The following UBE2D2 variants were observed in gnomAD, a reference collection of about 807,000 sequenced individuals.
UBE2D2 encodes the protein ubiquitin-conjugating enzyme E2 D2.
UBE2D2 carries 2 observed loss-of-function variants against 24.2 expected under a neutral mutation model. The ratio of observed to expected loss-of-function variants is 0.08; its 90% CI spans 0.03 to 0.26. The LOEUF is 0.26. Ranked by LOEUF, UBE2D2 falls within the 10% of genes least tolerant of loss-of-function variation. UBE2D2 has a pLI of 1.00. For missense variants in UBE2D2, 44 were observed against 177.6 expected, an observed-to-expected ratio of 0.25 and a Z score of 4.28; for synonymous variants, 58 against 56.5, an observed-to-expected ratio of 1.03 and a Z score of -0.12.
intron 1 of UBE2D2, among the ~76,000 whole-genome samples, chr5:139,550,754 T>C (rs568835900): frequency 6.7e-6 from 1 of 149,750 alleles, no homozygotes; most frequent in African/African-American, 2.5e-5. Flanking sequence ...AGAGGTGTAA[T>C]ACTCACTGTG....
chr5:139,546,915 CAG>C (rs928903477), intron 1 of UBE2D2, among the ~76,000 whole-genome samples: 1 of 144,130 alleles, frequency 6.9e-6, no homozygotes, highest in African/African-American at 2.6e-5. Context: ...TTTTTTTTGA[CAG>C]AGTTTTGCTC....
intron 2 of UBE2D2, among the ~76,000 whole-genome samples, chr5:139,603,702 C>T (rs978769604): frequency 6.6e-6 from 1 of 150,620 alleles, no homozygotes; most frequent in Non-Finnish European, 1.5e-5. Flanking sequence ...TTTGGGAGGC[C>T]GAGGCAGGTG....
At chr5:139,550,571 T>A (rs923488824) in intron 1 of UBE2D2, among the ~76,000 whole-genome samples, 2 of 152,032 alleles carry the variant, frequency 1.3e-5, no homozygotes, top group Non-Finnish European at 2.9e-5. Context: ...ACGCTCACGC[T>A]ATGGGAGTTT....
intron 2 of UBE2D2, 72 bp downstream of exon 2, chr5:139,600,507 A>G: frequency 6.6e-7 from 1 of 1,511,240 alleles, no homozygotes; most frequent in East Asian, 2.3e-5. Flanking sequence ...CAATTATGGT[A>G]TAGGGAAGAG....
intron 1 of UBE2D2, among the ~76,000 whole-genome samples, chr5:139,591,861 A>T (rs1045071575): frequency 2.0e-5 from 3 of 152,194 alleles, no homozygotes; most frequent in Non-Finnish European, 4.4e-5. Flanking sequence ...GGCAGGGAGA[A>T]TGCAGGTACT....
intron 6 of UBE2D2, 132 bp from the exon 7 acceptor site, chr5:139,626,624 G>C: frequency 1.4e-6 from 1 of 702,260 alleles, no homozygotes; most frequent in Non-Finnish European, 2.5e-6. Context: ...CAGAAATTTG[G>C]GATAGAAAGG....
At chr5:139,554,252 T>G (rs184453380) in intron 1 of UBE2D2, among the ~76,000 whole-genome samples, 9 of 152,218 alleles carry the variant, frequency 5.9e-5, no homozygotes, top group Non-Finnish European at 5.9e-5. Flanking sequence ...TAGGCTGGCT[T>G]CAAACTCCTG....
At chr5:139,562,566 C>T (rs956299285) in intron 1 of UBE2D2, among the ~76,000 whole-genome samples, 1 of 152,072 alleles carries the variant, frequency 6.6e-6, no homozygotes, top group Non-Finnish European at 1.5e-5. Flanking sequence ...ACATTGAAAA[C>T]CACCAGAGAA....
chr5:139,562,484 A>G, intron 1 of UBE2D2: 4 of 1,250,216 alleles, frequency 3.2e-6, no homozygotes, highest in Non-Finnish European at 4.1e-6. Context: ...GTTAGAAACT[A>G]ACACTTCCGT....
intron 1 of UBE2D2, chr5:139,562,090 A>C (rs1287726781): frequency 2.2e-6 from 2 of 928,352 alleles, no homozygotes; most frequent in Non-Finnish European, 3.1e-6. Context: ...GCTTCTCTCC[A>C]GTCTGGGACT....
chr5:139,626,504 G>A (rs963386112), intron 6 of UBE2D2, among the ~76,000 whole-genome samples: 1 of 152,172 alleles, frequency 6.6e-6, no homozygotes, highest in Non-Finnish European at 1.5e-5. Context: ...TATGGAATAA[G>A]GTATATGCCA....
Position 139,628,386 on chromosome 5 carries a change from C to G in UBE2D2, c.*1585C>G, listed in dbSNP as rs907168342. On this transcript the variant is annotated 3_prime_UTR_variant, in exon 7 of 7. Coordinates refer to ENST00000398733, the MANE Select transcript of UBE2D2 (RefSeq NM_003339.3). ...AGGTTCTTTCAAATGCATCTTTACA[C>G]TCTTGCACAAAAGTTAAGGAATAAA... 11 of 152,624 alleles carry G rather than the reference C, an allele frequency of 7.2e-5. No homozygotes were observed. The highest frequency in any genetic ancestry group is 2.7e-4 in the African/African-American group (11 of 41,436). 9.5% of individuals were successfully genotyped at this position (152,624 alleles called of 1,614,324 possible).
At chr5:139,588,349 C>T (rs403719) in intron 1 of UBE2D2, among the ~76,000 whole-genome samples, 26 of 151,716 alleles carry the variant, frequency 1.7e-4, no homozygotes, top group African/African-American at 6.0e-4. Flanking sequence ...GATCTCAGCT[C>T]ACTGCAACCT....
chr5:139,608,446 A>G (rs1276217713), intron 2 of UBE2D2, among the ~76,000 whole-genome samples: 1 of 152,004 alleles, frequency 6.6e-6, no homozygotes, highest in Non-Finnish European at 1.5e-5. Context: ...AAAGAAAAAA[A>G]AGAAGGGTAT....
intron 6 of UBE2D2, among the ~76,000 whole-genome samples, chr5:139,626,002 C>T (rs1430537123): frequency 6.6e-6 from 1 of 152,088 alleles, no homozygotes; most frequent in East Asian, 1.9e-4. Flanking sequence ...ATTTTGTCAA[C>T]CAAATTGTTG....
At chr5:139,550,227 C>T (rs1752891148) in intron 1 of UBE2D2, among the ~76,000 whole-genome samples, 1 of 151,376 alleles carries the variant, frequency 6.6e-6, no homozygotes. Context: ...TCAATCAGCA[C>T]CCTGTGTCTA....
intron 1 of UBE2D2, among the ~76,000 whole-genome samples, chr5:139,564,866 A>G (rs1753186071): frequency 6.6e-6 from 1 of 152,212 alleles, no homozygotes; most frequent in African/African-American, 2.4e-5. Context: ...AGAAAAATGA[A>G]GTTTATTTTG....
chr5:139,625,434 C>CA (rs1442043802), intron 6 of UBE2D2, among the ~76,000 whole-genome samples: 48 of 30,460 alleles, frequency 1.6e-3, no homozygotes, highest in Middle Eastern at 7.7e-3. Context: ...ACCCCCACCC[C>CA]CCCCCCTTTT....
chr5:139,540,592 A>T (rs935372011), intron 1 of UBE2D2, among the ~76,000 whole-genome samples: 1 of 151,622 alleles, frequency 6.6e-6, no homozygotes, highest in East Asian at 1.9e-4. Flanking sequence ...ATCTGTTATT[A>T]TCCCAGTATA....
Sources: gnomAD v4.1 joint callset for allele counts (sites outside exome capture counted in the v4.1 genomes callset) on GRCh38, gnomAD v4.1.1 for gene constraint, MANE v1.5 for transcripts, NCBI Gene and HGNC (gene_info 2026-07-23, HGNC 2026-07-21) for gene names.